The following SP3 variants were observed in gnomAD, a reference collection of about 807,000 sequenced individuals.
SP3 encodes the protein transcription factor Sp3.
A neutral mutation model predicts 70.3 loss-of-function variants in SP3; 10 were observed. The ratio of observed to expected loss-of-function variants is 0.14; its 90% CI spans 0.09 to 0.24. SP3 has a LOEUF of 0.24. Among genes scored for constraint, SP3 ranks in the 10% least tolerant of loss-of-function variants. SP3 has a pLI of 1.00. For synonymous variants in SP3, 402 were observed against 333.5 expected, an observed-to-expected ratio of 1.21 and a Z score of -2.24; for missense variants, 825 against 914.6, an observed-to-expected ratio of 0.90 and a Z score of 1.26.
intron 3 of SP3, among the ~76,000 whole-genome samples, chr2:173,958,114 C>A (rs1388525928): frequency 6.6e-6 from 1 of 152,000 alleles, no homozygotes; most frequent in African/African-American, 2.4e-5. Flanking sequence ...CCTGGAGGAT[C>A]CACTGAAATT....
chr2:173,931,842 G>A (rs1352044423), intron 4 of SP3, among the ~76,000 whole-genome samples: 2 of 152,194 alleles, frequency 1.3e-5, no homozygotes, highest in Non-Finnish European at 2.9e-5. Context: ...TCACAGAATT[G>A]AAGAGTTAGG....
In SP3 at chr2:173,955,632, C is replaced by T. The variant is rs573756869; in HGVS notation, c.880G>A (p.Gly294Arg). 5.6e-5 allele frequency: 91 copies of T among 1,614,118 alleles called. No individual in the cohort carries two copies. Among genetic ancestry groups the T allele is most frequent in the South Asian group, 2.1e-4 (19 of 91,078 alleles). Residue 294 changes from glycine to arginine, a missense_variant, in exon 4 of 7, where the codon GGA becomes AGA. Around this residue, in one of 4 missense-constraint regions of SP3, gnomAD observed 678 missense variants for 651.6 expected, o/e 1.04. Coordinates refer to ENST00000310015, the MANE Select transcript of SP3 (RefSeq NM_003111.5). ...QTMTAGINAD[G>R]HLINTGQAMD... is the part of the protein sequence containing the mutation. ...GCTTGTCCTGTGTTTATCAAATGTC[C>T]GTCGGCATTAATGCCTGCAGTCATT...
At position 173,959,322 on chromosome 2, in the gene SP3, G is replaced by A. The variant is rs573329364; in HGVS notation, c.280-3090C>T. On this transcript the variant is annotated intron_variant, in intron 3 of 6. Transcript: ENST00000310015. ...GTACACTAAATACCAAATGGGAGAGGAATAAATTAGAAAATCATCTGAGAC... is the reference window on the plus strand; with the variant it reads ...GTACACTAAATACCAAATGGGAGAGAAATAAATTAGAAAATCATCTGAGAC... Among the ~76,000 whole-genome samples the A allele has an allele frequency of 2.7e-5, 4 of 147,086 alleles. No homozygotes were observed. In the East Asian group the frequency reaches 7.9e-4, roughly 29 times the overall value.
At chr2:173,944,342 T>A (rs567966905) in intron 4 of SP3, among the ~76,000 whole-genome samples, 1 of 152,186 alleles carries the variant, frequency 6.6e-6, no homozygotes, top group Non-Finnish European at 1.5e-5. Flanking sequence ...GAGGCCACCC[T>A]GGGCAACATG....
At chr2:173,938,330 G>A (rs921727081) in intron 4 of SP3, among the ~76,000 whole-genome samples, 23 of 151,762 alleles carry the variant, frequency 1.5e-4, no homozygotes, top group Non-Finnish European at 1.5e-5. Flanking sequence ...GGTGGTGGGC[G>A]CCTGTAATCC....
intron 4 of SP3, among the ~76,000 whole-genome samples, chr2:173,948,799 C>A (rs934551252): frequency 6.6e-6 from 1 of 151,772 alleles, no homozygotes; most frequent in Non-Finnish European, 1.5e-5. Flanking sequence ...CCAAAAAAAT[C>A]GTTGGAAAAT....
Position 173,927,022 on chromosome 2 carries a change from T to C in SP3, c.1640-8237A>G, listed in dbSNP as rs534777702. Among the ~76,000 whole-genome samples, 28 of 152,232 alleles carry C rather than the reference T, an allele frequency of 1.8e-4. No individual in the cohort carries two copies. The East Asian group carries it at 5.4e-3, about 29-fold the overall frequency. The stretch of plus-strand genomic sequence containing the variant: ...GGAGGCCTCAGGAAACTTACAATCA[T>C]GGCAGAAGGCAAAAGGAGAGCTGGC... On this transcript the variant is annotated intron_variant, in intron 4 of 6. Coordinates refer to ENST00000310015, the MANE Select transcript of SP3 (RefSeq NM_003111.5).
intron 5 of SP3, chr2:173,913,951 A>C (rs948320473): frequency 1.3e-5 from 2 of 152,188 alleles, no homozygotes; most frequent in Non-Finnish European, 2.9e-5. Flanking sequence ...AAAATTAGAC[A>C]CAAGAGATAT....
intron 1 of SP3, chr2:173,964,815 TCTC>T (rs1691236906): frequency 4.4e-6 from 2 of 455,684 alleles, no homozygotes; most frequent in African/African-American, 2.1e-5. Flanking sequence ...CCCCCTCTCC[TCTC>T]CTCCCCTTTC....
In SP3 at chr2:173,953,721, T is replaced by C. The variant is rs559711800; in HGVS notation, c.1639+1152A>G. ...AGGCAGAGGTTGCAGTGAACCAAGA[T>C]CACACCACTGCACTCCAGCCTGTGT... On this transcript the variant is annotated intron_variant, in intron 4 of 6. Coordinates refer to ENST00000310015, the MANE Select transcript of SP3 (RefSeq NM_003111.5). Among the ~76,000 whole-genome samples, 16 of 149,652 alleles carry C rather than the reference T, an allele frequency of 1.1e-4. 1 individual carries two copies. The highest frequency in any genetic ancestry group is 8.4e-4 in the South Asian group (4 of 4,748).
intron 3 of SP3, among the ~76,000 whole-genome samples, chr2:173,961,514 CA>C (rs1281310399): frequency 6.6e-6 from 1 of 152,146 alleles, no homozygotes; most frequent in African/African-American, 2.4e-5. Flanking sequence ...GAAACGCAAA[CA>C]AAGTCTGGTT....
chr2:173,926,978 G>C (rs1003885781), intron 4 of SP3, among the ~76,000 whole-genome samples: 3 of 152,058 alleles, frequency 2.0e-5, no homozygotes, highest in African/African-American at 7.2e-5. Flanking sequence ...CATGATTCTG[G>C]CATCTGCTCT....
intron 3 of SP3, 41 bp downstream of exon 3, chr2:173,963,720 G>A (rs1691163491): frequency 1.2e-6 from 1 of 826,146 alleles, no homozygotes; most frequent in South Asian, 5.3e-5. Context: ...GGGATGGCGG[G>A]CGCCCGGCCT....
intron 4 of SP3, among the ~76,000 whole-genome samples, chr2:173,934,025 T>G (rs1574410246): frequency 6.6e-6 from 1 of 151,776 alleles, no homozygotes; most frequent in Non-Finnish European, 1.5e-5. Flanking sequence ...TGAGCCCAGG[T>G]GTTCAAGACC....
At chr2:173,956,440 G>A (rs1337786599) in intron 3 of SP3, among the ~76,000 whole-genome samples, 2 of 152,072 alleles carry the variant, frequency 1.3e-5, no homozygotes, top group African/African-American at 2.4e-5. Flanking sequence ...TCCTATTTGA[G>A]TGGGATAAAA....
intron 4 of SP3, among the ~76,000 whole-genome samples, chr2:173,948,453 A>G (rs1690610078): frequency 6.6e-6 from 1 of 152,100 alleles, no homozygotes; most frequent in Non-Finnish European, 1.5e-5. Flanking sequence ...TAAAAACCAT[A>G]GTGTATATAG....
chr2:173,931,122 A>G (rs73028242), intron 4 of SP3, among the ~76,000 whole-genome samples: 1 of 152,166 alleles, frequency 6.6e-6, no homozygotes, highest in Non-Finnish European at 1.5e-5. Flanking sequence ...ACATTAATTT[A>G]AAAAAACTTT....
intron 2 of SP3, 59 bp from the exon 3 acceptor site, chr2:173,963,942 C>A: frequency 8.0e-7 from 1 of 1,252,024 alleles, no homozygotes; most frequent in South Asian, 1.6e-5. Flanking sequence ...CGGTTAGGGT[C>A]GGGCCGCCTT....
chr2:173,902,091 G>A lies in SP3; in HGVS notation c.*7850C>T, dbSNP rs936253013. The stretch of plus-strand genomic sequence containing the variant: ...TACCACACCTGGGCAGGGCTTGACT[G>A]AGAGATAGAAGGTGGAACCAGTGAG... On this transcript the variant is annotated 3_prime_UTR_variant, in exon 7 of 7. Coordinates refer to ENST00000310015, the MANE Select transcript of SP3 (RefSeq NM_003111.5). Among the ~76,000 whole-genome samples the A allele has an allele frequency of 1.3e-5, 2 of 152,012 alleles. No individual in the cohort carries two copies. Among genetic ancestry groups the A allele is most frequent in the Non-Finnish European group, 2.9e-5 (2 of 68,032 alleles).
Sources: allele counts gnomAD v4.1 joint callset (sites outside exome capture counted in the v4.1 genomes callset), GRCh38; gene constraint gnomAD v4.1.1; regional missense constraint gnomAD v4.1.1; transcripts MANE v1.5; gene names NCBI Gene and HGNC (gene_info 2026-07-23, HGNC 2026-07-21).